The following KMT2C variants were observed in gnomAD, a reference collection of about 807,000 sequenced individuals.
KMT2C encodes the protein lysine methyltransferase 2C.
In KMT2C, 88 loss-of-function variants were observed where a neutral mutation model predicts 507.9. That is an observed-to-expected ratio of 0.17 (90% CI 0.15 to 0.21). The LOEUF (loss-of-function observed/expected upper bound fraction) is 0.21, where lower values mean the gene tolerates loss of function less well. Among genes scored for constraint, KMT2C ranks in the 10% least tolerant of loss-of-function variants. The pLI, the probability that KMT2C is intolerant of heterozygous loss-of-function variation, is 1.00. For synonymous variants in KMT2C, 2,049 were observed against 2,080.8 expected (o/e 0.98, Z 0.42); for missense variants, 4,954 against 5,957.8 (o/e 0.83, Z 5.55).
At chr7:152,217,405 CAGAA>C (rs1156671213) in intron 23 of KMT2C, among the ~76,000 whole-genome samples, 1 of 152,064 alleles carries the variant, frequency 6.6e-6, no homozygotes, top group Admixed American at 6.5e-5. Context: ...ATTTAGCAAA[CAGAA>C]AGCAAAAATG....
Position 152,162,287 on chromosome 7 carries a change from C to T in KMT2C, c.11290G>A (p.Gly3764Arg), listed in dbSNP as rs758927149. ...SSAQSPPHSA[G>R]APAAKGDSGN... ...GAGTCTCCTTTGGCAGCAGGGGCCC[C>T]AGCAGAATGGGGAGGACTCTGTGCT... The change falls in exon 43 of 59, where the codon GGG becomes AGG. Residue 3764 changes from glycine (G) to arginine (R), a missense_variant. By Grantham distance (125) the Gly-to-Arg change is moderately radical. This residue lies in a region of KMT2C where 801 missense variants were observed against 751.2 expected (regional missense o/e 1.07). Transcript: ENST00000262189. The T allele has an allele frequency of 3.7e-6, 6 of 1,614,078 alleles. No individual in the cohort carries two copies. The highest frequency in any genetic ancestry group is 3.3e-5 in the Admixed American group (2 of 60,010).
rs747531480 is a variant in KMT2C, at chr7:152,150,969, A to T, written c.12705T>A (p.Ile4235=). The change falls in exon 51 of 59, where the codon ATT becomes ATA. Residue 4235 remains isoleucine (I), a synonymous_variant. Coordinates refer to ENST00000262189, the MANE Select transcript of KMT2C (RefSeq NM_170606.3). ...RESTKRVEKD[I]VFCSNNCFIL... is the part of the protein sequence containing the mutation. ...TAAAGCAGTTATTACTACAGAAGAC[A>T]ATGTCCTTCTCTACCCTCTTGGTGC... The T allele has an allele frequency of 6.2e-6, 10 of 1,613,252 alleles. No homozygotes were observed. Among genetic ancestry groups the T allele is most frequent in the Non-Finnish European group, 8.5e-6 (10 of 1,179,454 alleles).
intron 3 of KMT2C, among the ~76,000 whole-genome samples, chr7:152,317,784 T>C (rs573802248): frequency 1.2e-4 from 19 of 152,252 alleles, no homozygotes; most frequent in South Asian, 2.1e-4. Context: ...GGCAGGAGGA[T>C]TGCTTAACCC....
intron 23 of KMT2C, among the ~76,000 whole-genome samples, chr7:152,209,809 G>A (rs796728278): frequency 1.0e-4 from 15 of 150,678 alleles, no homozygotes; most frequent in African/African-American, 3.4e-4. Flanking sequence ...ATTCTCAGTT[G>A]AGAGCAGAAA....
At chr7:152,369,967 G>A (rs2097280850) in intron 1 of KMT2C, among the ~76,000 whole-genome samples, 1 of 152,130 alleles carries the variant, frequency 6.6e-6, no homozygotes. Flanking sequence ...ATCCCAGCGG[G>A]CAGATCATGA....
In KMT2C at chr7:152,154,116, G is replaced by A; in HGVS notation, c.12170C>T (p.Thr4057Ile). 1 of 1,614,126 alleles carries A rather than the reference G, an allele frequency of 6.2e-7. No individual in the cohort carries two copies. Among genetic ancestry groups the A allele is most frequent in the Non-Finnish European group, 8.5e-7 (1 of 1,180,004 alleles). ...SSESRRNDIK[T>I]EPGTLYFASP... is the part of the protein sequence containing the mutation. ...CGCAAAATATAAAGTGCCTGGCTCA[G>A]TTTTGATGTCATTCCTTCTTGATTC... The change falls in exon 48 of 59, where the codon ACT becomes ATT. Residue 4057 changes from threonine to isoleucine, a missense_variant. Physicochemically the swap from Thr to Ile is moderately conservative, Grantham distance 89. This residue lies in a region of KMT2C where 417 missense variants were observed against 461.1 expected (regional missense o/e 0.90). Coordinates refer to ENST00000262189, the MANE Select transcript of KMT2C (RefSeq NM_170606.3).
At chr7:152,234,479 A>T (rs547605334) in intron 16 of KMT2C, among the ~76,000 whole-genome samples, 2 of 152,236 alleles carry the variant, frequency 1.3e-5, no homozygotes, top group African/African-American at 2.4e-5. Context: ...AACGTATAAT[A>T]TAAGAAGATA....
At chr7:152,292,331 C>G (rs576423691) in intron 6 of KMT2C, among the ~76,000 whole-genome samples, 6 of 149,752 alleles carry the variant, frequency 4.0e-5, no homozygotes, top group Non-Finnish European at 7.4e-5. Flanking sequence ...GTGTGGCGCG[C>G]ACACACACAC....
intron 2 of KMT2C, among the ~76,000 whole-genome samples, chr7:152,335,034 T>C (rs2096921268): frequency 6.6e-6 from 1 of 152,064 alleles, no homozygotes; most frequent in Non-Finnish European, 1.5e-5. Flanking sequence ...AGTCTGAAAA[T>C]CAACTGACCC....
rs145698572 is a variant in KMT2C, at chr7:152,228,806, A to C, written c.2976+1117T>G. Reference sequence around the variant, plus strand: ...AGAAGAAAAGAAACATGTTTTATGCATATATAACTCTATTTTTTAATTGGC... The same window carrying C: ...AGAAGAAAAGAAACATGTTTTATGCCTATATAACTCTATTTTTTAATTGGC... On this transcript the variant is annotated intron_variant, in intron 18 of 58. Transcript: ENST00000262189. 4.5e-4 allele frequency among the ~76,000 whole-genome samples: 68 copies of C among 152,330 alleles called. No homozygotes were observed. The East Asian group carries it at 0.011, about 24-fold the overall frequency.
intron 4 of KMT2C, 21 bp from the exon 5 acceptor site, chr7:152,311,967 CTG>C (rs1230798748): frequency 6.6e-7 from 1 of 1,525,908 alleles, no homozygotes; most frequent in African/African-American, 1.4e-5. Flanking sequence ...AATAAAATAA[CTG>C]TGAAAGTGAA....
chr7:152,341,882 A>C (rs1230356029), intron 2 of KMT2C, among the ~76,000 whole-genome samples: 1 of 152,224 alleles, frequency 6.6e-6, no homozygotes, highest in Non-Finnish European at 1.5e-5. Context: ...CAAAATGTAC[A>C]AACAATAATT....
At chr7:152,395,456 T>C (rs969078860) in intron 1 of KMT2C, among the ~76,000 whole-genome samples, 5 of 152,128 alleles carry the variant, frequency 3.3e-5, no homozygotes, top group Non-Finnish European at 5.9e-5. Context: ...CCCAAAGTAC[T>C]AGAATTATAG....
intron 15 of KMT2C, 54 bp downstream of exon 15, chr7:152,238,653 G>A (rs1256879258): frequency 6.4e-6 from 10 of 1,554,430 alleles, no homozygotes; most frequent in Non-Finnish European, 8.6e-6. Context: ...CATCCAGTAG[G>A]GCAAAACAAA....
Position 152,434,225 on chromosome 7 carries a change from G to A in KMT2C, c.161+1401C>T, listed in dbSNP as rs554896169. Among the ~76,000 whole-genome samples, 11 of 152,236 alleles carry A rather than the reference G, an allele frequency of 7.2e-5. No individual in the cohort carries two copies. The South Asian group carries it at 2.3e-3, about 32-fold the overall frequency. ...GGCATAATAAATAAGTCCTAACTTT[G>A]TATCACGAACAAGCTAATGTAATAA... On this transcript the variant is annotated intron_variant, in intron 1 of 58. Transcript: ENST00000262189.
chr7:152,334,534 A>G (rs1189400272), intron 2 of KMT2C, among the ~76,000 whole-genome samples: 1 of 152,240 alleles, frequency 6.6e-6, no homozygotes, highest in East Asian at 1.9e-4. Context: ...AGTAGGACAC[A>G]TAACTGCTCA....
chr7:152,388,890 A>G (rs1219930531), intron 1 of KMT2C, among the ~76,000 whole-genome samples: 5 of 152,250 alleles, frequency 3.3e-5, no homozygotes, highest in Admixed American at 2.0e-4. Context: ...CTGGGATTAC[A>G]GGCATGCACC....
At chr7:152,337,400 AT>A (rs1421597148) in intron 2 of KMT2C, among the ~76,000 whole-genome samples, 1 of 152,254 alleles carries the variant, frequency 6.6e-6, no homozygotes, top group Admixed American at 6.5e-5. Context: ...GCAAAGATAA[AT>A]TAGATCTAAC....
rs1327916164 is a variant in KMT2C at position 152,184,792 on chromosome 7, C to T, written c.5082+766G>A. The stretch of plus-strand genomic sequence containing the variant: ...TACTTTCTCCCTTTTTATTTTTTGA[C>T]CTAGCAGGGTGGTCTTGCTCTGTCA... On this transcript the variant is annotated intron_variant, in intron 34 of 58. Coordinates refer to ENST00000262189, the MANE Select transcript of KMT2C (RefSeq NM_170606.3). Among the ~76,000 whole-genome samples, 2 of 152,120 alleles carry T rather than the reference C, an allele frequency of 1.3e-5. 1 individual carries two copies. The highest frequency in any genetic ancestry group is 2.9e-5 in the Non-Finnish European group (2 of 67,998).
Sources: allele counts gnomAD v4.1 joint callset (sites outside exome capture counted in the v4.1 genomes callset), GRCh38; gene constraint gnomAD v4.1.1; regional missense constraint gnomAD v4.1.1; transcripts MANE v1.5; gene names NCBI Gene and HGNC (gene_info 2026-07-23, HGNC 2026-07-21).